ZBTB20: variants seen among roughly 807,000 people sequenced by gnomAD.
ZBTB20 encodes zinc finger and BTB domain containing 20.
Under a neutral mutation model 56.9 loss-of-function variants are expected in ZBTB20, and 9 were observed. The observed-to-expected ratio is 0.16, with a 90% CI of 0.10 to 0.28. The LOEUF is 0.28. Among genes scored for constraint, ZBTB20 ranks in the 10% least tolerant of loss-of-function variants. The probability of loss-of-function intolerance (pLI) is 1.00; values close to 1 mark genes in which losing one functional copy is unlikely to be tolerated. For synonymous variants in ZBTB20, 417 were observed against 420.7 expected (o/e 0.99, Z 0.11); for missense variants, 655 against 1,003.0 (o/e 0.65, Z 4.69).
At chr3:114,646,625 A>C (rs1021018357) in intron 6 of ZBTB20, among the ~76,000 whole-genome samples, 1 of 152,252 alleles carries the variant, frequency 6.6e-6, no homozygotes. Flanking sequence ...TAAAGAAAAC[A>C]AAAGTTTCAT....
chr3:115,134,864 G>A (rs557477026), intron 1 of ZBTB20, among the ~76,000 whole-genome samples: 3 of 152,146 alleles, frequency 2.0e-5, no homozygotes, highest in African/African-American at 7.2e-5. Context: ...GTGGTGAAAA[G>A]CAAAGGTAAA....
intron 4 of ZBTB20, among the ~76,000 whole-genome samples, chr3:114,850,908 T>A (rs1020703763): frequency 6.6e-6 from 1 of 152,156 alleles, no homozygotes; most frequent in African/African-American, 2.4e-5. Context: ...ACTCATCTAG[T>A]CTAAATGTCT....
intron 6 of ZBTB20, among the ~76,000 whole-genome samples, chr3:114,665,359 T>C (rs1177897434): frequency 2.0e-5 from 3 of 152,034 alleles, no homozygotes; most frequent in Non-Finnish European, 4.4e-5. Flanking sequence ...GTTAGTAGTA[T>C]ATACCATCTA....
intron 2 of ZBTB20, among the ~76,000 whole-genome samples, chr3:115,057,109 C>T (rs1045473721): frequency 9.2e-5 from 14 of 152,076 alleles, no homozygotes; most frequent in African/African-American, 3.1e-4. Flanking sequence ...CATTATCCTT[C>T]TGTCTTCTCT....
intron 6 of ZBTB20, among the ~76,000 whole-genome samples, chr3:114,627,189 T>C (rs954398400): frequency 2.0e-5 from 3 of 152,202 alleles, no homozygotes; most frequent in Admixed American, 2.0e-4. Flanking sequence ...TTTCATCATA[T>C]TATCTGATTC....
intron 6 of ZBTB20, among the ~76,000 whole-genome samples, chr3:114,682,672 A>G (rs2062054346): frequency 1.3e-5 from 2 of 152,220 alleles, no homozygotes; most frequent in African/African-American, 4.8e-5. Context: ...CTTATAACTC[A>G]TCAGGCTTCT....
Position 114,862,223 on chromosome 3 carries a change from C to T in ZBTB20, c.-417+38081G>A, listed in dbSNP as rs534054578. The stretch of plus-strand genomic sequence containing the variant: ...TTAATTTACTAAGTTCTGCTGTGTT[C>T]TCTTTGTGAATTAGAATATTATCAT... On this transcript the variant is annotated intron_variant, in intron 4 of 11. Coordinates refer to ENST00000675478, the MANE Select transcript of ZBTB20 (RefSeq NM_001348800.3). Among the ~76,000 whole-genome samples the T allele has an allele frequency of 3.3e-5, 5 of 152,232 alleles. No homozygotes were observed. The South Asian group carries it at 1.0e-3, about 32-fold the overall frequency.
intron 6 of ZBTB20, among the ~76,000 whole-genome samples, chr3:114,545,122 C>T (rs1357859205): frequency 6.6e-5 from 10 of 152,152 alleles, no homozygotes; most frequent in Non-Finnish European, 2.9e-5. Context: ...GGACGGAAAA[C>T]CCGCTTTGGA....
intron 4 of ZBTB20, among the ~76,000 whole-genome samples, chr3:114,899,505 T>C (rs1374319996): frequency 2.0e-5 from 3 of 151,958 alleles, no homozygotes; most frequent in Non-Finnish European, 4.4e-5. Flanking sequence ...ATACACATTA[T>C]CTAGGGCAGT....
At chr3:115,018,302 A>C (rs1272475323) in intron 2 of ZBTB20, among the ~76,000 whole-genome samples, 1 of 151,652 alleles carries the variant, frequency 6.6e-6, no homozygotes, top group East Asian at 1.9e-4. Flanking sequence ...GTTTAGTTAG[A>C]AAATTTTTTA....
chr3:115,050,025 T>C (rs2081483945), intron 2 of ZBTB20, among the ~76,000 whole-genome samples: 1 of 152,042 alleles, frequency 6.6e-6, no homozygotes, highest in Non-Finnish European at 1.5e-5. Flanking sequence ...AGATCGTAAA[T>C]ATATGCTTAA....
At chr3:114,550,992 C>T (rs913868302) in intron 6 of ZBTB20, among the ~76,000 whole-genome samples, 8 of 152,266 alleles carry the variant, frequency 5.3e-5, no homozygotes, top group South Asian at 4.1e-4. Flanking sequence ...CACAAAGGAT[C>T]GGCCCAGCTC....
At chr3:114,496,478 T>C (rs1489906345) in intron 7 of ZBTB20, among the ~76,000 whole-genome samples, 1 of 152,196 alleles carries the variant, frequency 6.6e-6, no homozygotes, top group Non-Finnish European at 1.5e-5. Context: ...GGGCTTTCAA[T>C]AGGTCCCTAC....
At chr3:115,114,954 C>A (rs1372878912) in intron 1 of ZBTB20, among the ~76,000 whole-genome samples, 2 of 152,074 alleles carry the variant, frequency 1.3e-5, no homozygotes, top group African/African-American at 4.8e-5. Context: ...TTTCTTATTA[C>A]TTCTCAATAC....
At chr3:114,464,748 A>C (rs1177884005) in intron 7 of ZBTB20, among the ~76,000 whole-genome samples, 1 of 151,746 alleles carries the variant, frequency 6.6e-6, no homozygotes, top group Non-Finnish European at 1.5e-5. Flanking sequence ...AGCTGGGGGG[A>C]TTTCCTGAGG....
chr3:114,945,852 C>G (rs1218404323), intron 3 of ZBTB20, among the ~76,000 whole-genome samples: 1 of 144,610 alleles, frequency 6.9e-6, no homozygotes, highest in African/African-American at 2.8e-5. Flanking sequence ...AAAAAATTTA[C>G]CAAACACCAA....
intron 4 of ZBTB20, among the ~76,000 whole-genome samples, chr3:114,860,221 C>T (rs1257126446): frequency 1.3e-5 from 2 of 151,746 alleles, no homozygotes; most frequent in East Asian, 1.9e-4. Flanking sequence ...GCAGGGGAAT[C>T]GCTTGAAACC....
intron 2 of ZBTB20, among the ~76,000 whole-genome samples, chr3:115,059,248 A>G (rs867247400): frequency 1.3e-5 from 2 of 152,124 alleles, no homozygotes; most frequent in Non-Finnish European, 2.9e-5. Flanking sequence ...GTCATTCATC[A>G]TAAACTTTTT....
intron 10 of ZBTB20, chr3:114,355,913 G>A (rs1310502519): frequency 1.3e-5 from 2 of 151,904 alleles, no homozygotes; most frequent in African/African-American, 4.8e-5. Flanking sequence ...TAGATTATGT[G>A]ATCATGTGTA....
Sources: allele counts gnomAD v4.1 joint callset (sites outside exome capture counted in the v4.1 genomes callset), GRCh38; gene constraint gnomAD v4.1.1; transcripts MANE v1.5; gene names NCBI Gene and HGNC (gene_info 2026-07-23, HGNC 2026-07-21).